Variants in XPO4 observed in about 807,000 individuals in gnomAD.
XPO4 encodes the protein exportin 4.
In XPO4, 39 loss-of-function variants were observed where a neutral mutation model predicts 143.0. That is an observed-to-expected ratio of 0.27 (90% CI 0.21 to 0.36). XPO4 has a LOEUF of 0.36. Ranked by LOEUF, XPO4 falls within the 10% of genes least tolerant of loss-of-function variation. The pLI, the probability that XPO4 is intolerant of heterozygous loss-of-function variation, is 1.00. For synonymous variants in XPO4, 439 were observed against 474.0 expected (o/e 0.93, Z 0.96); for missense variants, 907 against 1,348.0 (o/e 0.67, Z 5.12).
In XPO4 at chr13:20,799,235, A is replaced by C. The variant is rs753751191; in HGVS notation, c.2252T>G (p.Leu751Trp). The C allele has an allele frequency of 6.2e-7, 1 of 1,613,740 alleles. No homozygotes were observed. Among genetic ancestry groups the C allele is most frequent in the South Asian group, 1.1e-5 (1 of 91,036 alleles). The change falls in exon 16 of 23, where the codon TTG (leucine) becomes TGG (tryptophan). Residue 751 changes from leucine (L) to tryptophan (W), a missense_variant. Coordinates refer to ENST00000255305, the MANE Select transcript of XPO4 (RefSeq NM_022459.5). ...NFLSSPVQRT[L>W]MKALVLGGFA... is the part of the protein sequence containing the mutation. ...ACCTCCTAAGACTAGAGCCTTCATCAATGTCCTCTGCACAGGACTTGACAA... is the reference window on the plus strand; with the variant it reads ...ACCTCCTAAGACTAGAGCCTTCATCCATGTCCTCTGCACAGGACTTGACAA...
At chr13:20,893,383 C>T (rs2060536680) in intron 1 of XPO4, among the ~76,000 whole-genome samples, 1 of 152,050 alleles carries the variant, frequency 6.6e-6, no homozygotes, top group Non-Finnish European at 1.5e-5. Context: ...AGGCCACCCA[C>T]TCACTATACT....
chr13:20,833,900 CCCG>C (rs1338978336), intron 6 of XPO4, among the ~76,000 whole-genome samples: 1 of 152,072 alleles, frequency 6.6e-6, no homozygotes, highest in African/African-American at 2.4e-5. Flanking sequence ...ATGAGACCGC[CCCG>C]GACCCCAGCG....
intron 1 of XPO4, among the ~76,000 whole-genome samples, chr13:20,883,111 G>A (rs576168281): frequency 6.6e-6 from 1 of 152,292 alleles, no homozygotes; most frequent in Admixed American, 6.5e-5. Context: ...GCCCTTGCAG[G>A]CCCTGAGAAT....
intron 1 of XPO4, among the ~76,000 whole-genome samples, chr13:20,888,993 A>C (rs1029176607): frequency 9.9e-5 from 15 of 151,982 alleles, no homozygotes; most frequent in Non-Finnish European, 2.1e-4. Context: ...TGTCATTTTT[A>C]GTAGAGACGA....
chr13:20,857,886 C>T lies in XPO4; in HGVS notation c.318-2121G>A, dbSNP rs189912976. 299 of 985,124 alleles carry T rather than the reference C, an allele frequency of 3.0e-4. No homozygotes were observed. The African/African-American group carries it at 5.0e-3, about 17-fold the overall frequency. 61.0% of individuals were successfully genotyped at this position (985,124 alleles called of 1,614,324 possible). A position where few individuals can be genotyped will look rare whatever the true frequency, so the allele number is the denominator to read the frequency against. On this transcript the variant is annotated intron_variant, in intron 3 of 22. Coordinates refer to ENST00000255305, the MANE Select transcript of XPO4 (RefSeq NM_022459.5). ...AGGACATTGTGCATTTCACTGTATA[C>T]AAATTTTATTTCAATTAAGAGGAAA...
chr13:20,842,799 G>T, intron 6 of XPO4, 96 bp downstream of exon 6: 1 of 1,127,110 alleles, frequency 8.9e-7, no homozygotes, highest in Non-Finnish European at 1.2e-6. Context: ...CTTTCAATAT[G>T]TTTTATGAAA....
chr13:20,856,189 G>C (rs1346909568), intron 3 of XPO4: 4 of 318,372 alleles, frequency 1.3e-5, no homozygotes, highest in African/African-American at 2.3e-5. Context: ...CACTAGTCTG[G>C]AGATAAATTC....
chr13:20,796,353 C>T lies in XPO4; in HGVS notation c.2617-97G>A. 8.3e-6 allele frequency: 7 copies of T among 848,344 alleles called. No individual in the cohort carries two copies. In the Admixed American group the frequency reaches 2.5e-4, roughly 31 times the overall value. The allele number at this position is 848,344 out of a possible 1,614,324, so 52.6% of individuals were successfully genotyped here. On this transcript the variant is annotated intron_variant, in intron 17 of 22. Transcript: ENST00000255305. The stretch of plus-strand genomic sequence containing the variant: ...TATATAAATTAACTCCGAATTCCAA[C>T]AGTAGCAATAATTCTTGCTTTAAAC...
chr13:20,802,829 T>TA (rs1158748238), intron 13 of XPO4, among the ~76,000 whole-genome samples: 4 of 152,186 alleles, frequency 2.6e-5, no homozygotes, highest in African/African-American at 9.6e-5. Context: ...ATTAAGTGTT[T>TA]AAAAATGTCT....
At chr13:20,886,089 A>C (rs1409160651) in intron 1 of XPO4, among the ~76,000 whole-genome samples, 1 of 152,242 alleles carries the variant, frequency 6.6e-6, no homozygotes, top group East Asian at 1.9e-4. Context: ...ATTTAATAGC[A>C]TAAATACATT....
Position 20,800,921 on chromosome 13 carries a change from T to G in XPO4, c.1887A>C (p.Leu629=). ...TATCTTTGCCCATCTGGGGACTTAG[T>G]AGATGAGTGAGATCTGCTCTTATTG... ...SRAIRADLTH[L]LSPQMGKDIV... The change falls in exon 14 of 23, where the codon CTA becomes CTC. Residue 629 remains leucine (L), a synonymous_variant. Coordinates refer to ENST00000255305, the MANE Select transcript of XPO4 (RefSeq NM_022459.5). 6.2e-7 allele frequency: 1 copy of G among 1,614,082 alleles called. No homozygotes were observed. Among genetic ancestry groups the G allele is most frequent in the Non-Finnish European group, 8.5e-7 (1 of 1,179,974 alleles).
In XPO4 at chr13:20,866,292, A is replaced by C; in HGVS notation, c.175+2304T>G. ...AGAAAATAAAAACTAGAATGAAAAC[A>C]AAAGGATAAGAAGAGAAAGAAATGA... On this transcript the variant is annotated intron_variant, in intron 2 of 22. Coordinates refer to ENST00000255305, the MANE Select transcript of XPO4 (RefSeq NM_022459.5). The C allele has an allele frequency of 3.0e-6, 3 of 984,896 alleles. No homozygotes were observed. The South Asian group carries it at 1.4e-4, about 46-fold the overall frequency. The allele number at this position is 984,896 out of a possible 1,614,324, so 61.0% of individuals were successfully genotyped here.
intron 4 of XPO4, chr13:20,848,408 A>T: frequency 1.0e-6 from 1 of 985,362 alleles, no homozygotes; most frequent in South Asian, 4.7e-5. Flanking sequence ...CATCTACAGT[A>T]AGGGCTACCA....
intron 4 of XPO4, among the ~76,000 whole-genome samples, chr13:20,854,843 G>A (rs554633386): frequency 3.5e-4 from 53 of 152,254 alleles, no homozygotes; most frequent in African/African-American, 1.2e-3. Context: ...ATTCAGCCAA[G>A]AACAATAACC....
At chr13:20,844,272 T>C (rs2060008269) in intron 4 of XPO4, among the ~76,000 whole-genome samples, 1 of 152,196 alleles carries the variant, frequency 6.6e-6, no homozygotes, top group Non-Finnish European at 1.5e-5. Context: ...TGACCTGGAG[T>C]ACTTATCTAA....
At chr13:20,790,361 G>T in intron 19 of XPO4, 101 bp downstream of exon 19, 1 of 943,272 alleles carries the variant, frequency 1.1e-6, no homozygotes, top group South Asian at 1.4e-5. Flanking sequence ...GCACTTAGCA[G>T]ATACAACTAC....
chr13:20,796,965 G>A lies in XPO4; in HGVS notation c.2415C>T (p.Ile805=). ...CACACAGGGCCTCTAGTGTGGCAGT[G>A]ATTTCCTGCTTGACTTCCTCTTGCT... The part of the protein sequence containing the change: ...MCQQEEVKQE[I]TATLEALCGI... Residue 805 remains isoleucine (I), a synonymous_variant, in exon 17 of 23, where the codon ATC becomes ATT. Coordinates refer to ENST00000255305, the MANE Select transcript of XPO4 (RefSeq NM_022459.5). 1 of 1,613,940 alleles carries A rather than the reference G, an allele frequency of 6.2e-7. No homozygotes were observed. The highest frequency in any genetic ancestry group is 8.5e-7 in the Non-Finnish European group (1 of 1,179,944).
In XPO4 at chr13:20,783,745, C is replaced by T; in HGVS notation, c.3433G>A (p.Gly1145Ser). The T allele has an allele frequency of 1.2e-6, 2 of 1,614,160 alleles. No individual in the cohort carries two copies. The highest frequency in any genetic ancestry group is 1.7e-6 in the Non-Finnish European group (2 of 1,180,012). The change falls in exon 23 of 23, where the codon GGT becomes AGT. Residue 1145 changes from glycine (G) to serine (S), a missense_variant. Gly to Ser is a moderately conservative substitution (Grantham distance 56). Transcript: ENST00000255305. ...GTTTATTTTACACAAAGGAGACCAC[C>T]AACATTTGCCATAAATTCTTCTAAA... ...KSLEEFMANV[G>S]GLLCVK
At chr13:20,855,872 A>G (rs2060138423) in intron 3 of XPO4, 107 bp from the exon 4 acceptor site, 1 of 1,202,290 alleles carries the variant, frequency 8.3e-7, no homozygotes, top group African/African-American at 1.5e-5. Context: ...CTTACATGTG[A>G]GAGTAGAAGA....
Sources: allele counts gnomAD v4.1 joint callset (sites outside exome capture counted in the v4.1 genomes callset), GRCh38; gene constraint gnomAD v4.1.1; transcripts MANE v1.5; gene names NCBI Gene and HGNC (gene_info 2026-07-23, HGNC 2026-07-21).